The following KY variants were observed in gnomAD, a reference collection of about 807,000 sequenced individuals.
KY encodes kyphoscoliosis peptidase.
In KY, 43 loss-of-function variants were observed where a neutral mutation model predicts 76.1. The observed-to-expected ratio is 0.57, with a 90% CI of 0.44 to 0.73. The LOEUF (loss-of-function observed/expected upper bound fraction) is 0.73, where lower values mean the gene tolerates loss of function less well. KY is among the 30% of genes least tolerant of loss of function. KY has a pLI of 0.00. For synonymous variants in KY, 277 were observed against 326.2 expected (o/e 0.85, Z 1.63); for missense variants, 722 against 828.9 (o/e 0.87, Z 1.58).
chr3:134,647,468 T>A lies in KY; in HGVS notation c.166A>T (p.Arg56Ter). The change falls in exon 2 of 11, where the codon AGA becomes TGA. Residue 56 changes from arginine to a stop codon, truncating the protein, a stop_gained. Coordinates refer to ENST00000423778, the MANE Select transcript of KY (RefSeq NM_178554.6). LOFTEE classifies it high-confidence loss of function. ...GFQGVGNGVR[R>*]WQKLEGNDFH... ...TCATTTCCTTCTAATTTCTGCCATC[T>A]TCGGACTCCATTTCCAACACCTTGG... 1 of 1,612,598 alleles carries A rather than the reference T, an allele frequency of 6.2e-7. No individual in the cohort carries two copies. The highest frequency in any genetic ancestry group is 8.5e-7 in the Non-Finnish European group (1 of 1,178,986).
At chr3:134,612,141 C>T (rs998069332) in intron 8 of KY, among the ~76,000 whole-genome samples, 12 of 152,310 alleles carry the variant, frequency 7.9e-5, no homozygotes, top group South Asian at 4.1e-4. Context: ...TTCTAGCCCC[C>T]GCCCTTTTGC....
intron 8 of KY, among the ~76,000 whole-genome samples, chr3:134,611,630 G>A (rs927450103): frequency 2.6e-5 from 4 of 152,202 alleles, no homozygotes; most frequent in South Asian, 4.1e-4. Context: ...CCTTTGATGG[G>A]GCTCCTTTGA....
chr3:134,647,601 C>G (rs1966589872), intron 1 of KY, 104 bp from the exon 2 acceptor site: 4 of 650,586 alleles, frequency 6.1e-6, no homozygotes, highest in South Asian at 1.9e-5. Context: ...GATCTTGGCT[C>G]TCTTGGAATC....
Position 134,602,280 on chromosome 3 carries a change from T to G in KY, c.*1299A>C, listed in dbSNP as rs112074930. On this transcript the variant is annotated 3_prime_UTR_variant, in exon 11 of 11. Coordinates refer to ENST00000423778, the MANE Select transcript of KY (RefSeq NM_178554.6). The stretch of plus-strand genomic sequence containing the variant: ...TTATCTGCCCTCGCTGAAGTCAGCC[T>G]TTCCTCCGTTGCCATGGCAACGGCA... Among the ~76,000 whole-genome samples, 961 of 152,238 alleles carry G rather than the reference T, an allele frequency of 6.3e-3. 6 individuals carry two copies. Among genetic ancestry groups the G allele is most frequent in the African/African-American group, 0.022 (923 of 41,552 alleles).
chr3:134,616,610 A>G (rs1961606470), intron 8 of KY, among the ~76,000 whole-genome samples: 1 of 152,218 alleles, frequency 6.6e-6, no homozygotes, highest in Middle Eastern at 3.2e-3. Flanking sequence ...GCACATGGTA[A>G]TCACCATGTT....
intron 10 of KY, among the ~76,000 whole-genome samples, chr3:134,606,607 G>T (rs139271971): frequency 6.6e-6 from 1 of 152,294 alleles, no homozygotes; most frequent in Admixed American, 6.5e-5. Flanking sequence ...TCATTTTTGT[G>T]TAGTGTCCGA....
At chr3:134,611,314 T>A (rs1960401715) in intron 8 of KY, among the ~76,000 whole-genome samples, 1 of 152,138 alleles carries the variant, frequency 6.6e-6, no homozygotes. Flanking sequence ...CATTTGGAGC[T>A]AAAACCCTGA....
chr3:134,640,836 G>T (rs1965651280), intron 3 of KY, among the ~76,000 whole-genome samples: 1 of 152,152 alleles, frequency 6.6e-6, no homozygotes, highest in South Asian at 2.1e-4. Context: ...TCTCTTGCTG[G>T]ATTATCACAA....
Position 134,629,780 on chromosome 3 carries a change from AC to A in KY, c.263-86del, listed in dbSNP as rs1173240121. On this transcript the variant is annotated intron_variant, in intron 3 of 10. Transcript: ENST00000423778. ...TCATGACTGATGATTGAATAAAAAA[AC>A]AATTAGTTTTAGAACTTTCTTTTGT... 2.2e-5 allele frequency: 18 copies of A among 828,274 alleles called. No homozygotes were observed. In the Admixed American group the frequency reaches 3.1e-4, roughly 14 times the overall value. 51.3% of individuals were successfully genotyped at this position (828,274 alleles called of 1,614,324 possible). A position where few individuals can be genotyped will look rare whatever the true frequency, so the allele number is the denominator to read the frequency against.
chr3:134,619,943 C>T (rs1962307761), intron 7 of KY: 1 of 152,336 alleles, frequency 6.6e-6, no homozygotes, highest in Admixed American at 6.5e-5. Context: ...CAGTTTGGAC[C>T]TCCTACCTGT....
At chr3:134,607,428 C>T in intron 10 of KY, 2 of 985,646 alleles carry the variant, frequency 2.0e-6, no homozygotes, top group Non-Finnish European at 2.4e-6. Context: ...CACCCACAGG[C>T]ACCCTGTGCT....
At chr3:134,629,055 G>A (rs754374143) in intron 4 of KY, among the ~76,000 whole-genome samples, 2 of 152,216 alleles carry the variant, frequency 1.3e-5, no homozygotes, top group African/African-American at 4.8e-5. Flanking sequence ...GGAGAGGACC[G>A]AGAAGGGAGT....
Position 134,627,762 on chromosome 3 carries a change from C to T in KY, c.394G>A (p.Ala132Thr). 1 of 1,613,686 alleles carries T rather than the reference C, an allele frequency of 6.2e-7. No homozygotes were observed. The highest frequency in any genetic ancestry group is 8.5e-7 in the Non-Finnish European group (1 of 1,179,602). ...TRPRQPGGKD[A>T]HAYPWDRSSL... is the part of the protein sequence containing the mutation. Reference sequence around the variant, plus strand: ...GGAAGACTCTGGAACTTACCATGGGCATCTTTCCCTCCAGGTTGCCGGGGT... The same window carrying T: ...GGAAGACTCTGGAACTTACCATGGGTATCTTTCCCTCCAGGTTGCCGGGGT... The change falls in exon 5 of 11, where the codon GCC becomes ACC. Residue 132 changes from alanine (A) to threonine (T), a missense_variant. Coordinates refer to ENST00000423778, the MANE Select transcript of KY (RefSeq NM_178554.6).
intron 1 of KY, among the ~76,000 whole-genome samples, chr3:134,649,355 T>A (rs1252476788): frequency 6.6e-6 from 1 of 152,200 alleles, no homozygotes; most frequent in Non-Finnish European, 1.5e-5. Context: ...TCTGCATTCT[T>A]TGCCCTTTCT....
chr3:134,629,814 A>C, intron 3 of KY, 119 bp from the exon 4 acceptor site: 1 of 659,576 alleles, frequency 1.5e-6, no homozygotes, highest in Non-Finnish European at 2.7e-6. Flanking sequence ...TGTGTGTACA[A>C]ATCATCCTTG....
rs1959062553 is a variant in KY at position 134,603,608 on chromosome 3, T to G, written c.1957A>C (p.Ile653Leu). 6.9e-6 allele frequency: 11 copies of G among 1,595,144 alleles called. No homozygotes were observed. In the East Asian group the frequency reaches 2.5e-4, roughly 36 times the overall value. Reference sequence around the variant, plus strand: ...TGGGCATTCACTTTGTATTTCAGGATGTAGGAGTAGAAATTGTGGTTGGCA... The same window carrying G: ...TGGGCATTCACTTTGTATTTCAGGAGGTAGGAGTAGAAATTGTGGTTGGCA... ...ENANHNFYSY[I>L]LKYKVNAQ is the part of the protein sequence containing the mutation. Residue 653 changes from isoleucine to leucine, a missense_variant, in exon 11 of 11, where the codon ATC becomes CTC. By Grantham distance (5) the Ile-to-Leu change is conservative. Around this residue, in one of 2 missense-constraint regions of KY, gnomAD observed 552 missense variants for 680.9 expected, o/e 0.81. Coordinates refer to ENST00000423778, the MANE Select transcript of KY (RefSeq NM_178554.6).
chr3:134,607,774 C>T (rs1390741261), intron 10 of KY: 29 of 986,094 alleles, frequency 2.9e-5, no homozygotes, highest in Non-Finnish European at 3.4e-5. Flanking sequence ...CCAGGCCAGC[C>T]ATGGGAGATG....
At chr3:134,631,150 T>C (rs182907541) in intron 3 of KY, among the ~76,000 whole-genome samples, 6 of 152,266 alleles carry the variant, frequency 3.9e-5, no homozygotes, top group Non-Finnish European at 5.9e-5. Flanking sequence ...AGAGAAATAA[T>C]ATGATGCAGA....
At chr3:134,612,325 C>T (rs6764764) in intron 8 of KY, among the ~76,000 whole-genome samples, 51,925 of 152,060 alleles carry the variant, frequency 0.34, 9,257 homozygotes, top group Non-Finnish European at 0.37. Flanking sequence ...GGCCATAAGC[C>T]ACTCCAGGGC....
Sources: allele counts gnomAD v4.1 joint callset (sites outside exome capture counted in the v4.1 genomes callset), GRCh38; gene constraint gnomAD v4.1.1; regional missense constraint gnomAD v4.1.1; transcripts MANE v1.5; gene names NCBI Gene and HGNC (gene_info 2026-07-23, HGNC 2026-07-21).